SAMD8: variants seen among roughly 807,000 people sequenced by gnomAD.
The protein encoded by SAMD8 is sterile alpha motif domain containing 8, also known as sphingomyelin synthase-related protein 1.
SAMD8 carries 20 observed loss-of-function variants against 42.0 expected under a neutral mutation model. The observed-to-expected ratio is 0.48, with a 90% CI of 0.34 to 0.69. SAMD8 has a LOEUF of 0.69. SAMD8 is among the 30% of genes least tolerant of loss of function. The pLI is 0.01. For missense variants in SAMD8, 328 were observed against 511.6 expected (o/e 0.64, Z 3.46); for synonymous variants, 162 against 173.0 (o/e 0.94, Z 0.50).
upstream of SAMD8, among the ~76,000 whole-genome samples, chr10:75,108,488 G>C (rs1302457713): frequency 3.3e-5 from 5 of 152,146 alleles, no homozygotes; most frequent in Non-Finnish European, 7.4e-5. Flanking sequence ...GGAAGGGATT[G>C]CTTCAGCCCT....
At chr10:75,104,247 A>G in intron 1 of SAMD8, 1 of 432,598 alleles carries the variant, frequency 2.3e-6, no homozygotes, top group Admixed American at 3.5e-5. Context: ...CTGCTGGGAG[A>G]GATGAGGAGG....
chr10:75,103,264 C>T (rs1436435459), intron 1 of SAMD8, among the ~76,000 whole-genome samples: 3 of 152,232 alleles, frequency 2.0e-5, no homozygotes, highest in African/African-American at 7.2e-5. Context: ...CCGGGGCCCT[C>T]AGTTAGGGGC....
intron 1 of SAMD8, among the ~76,000 whole-genome samples, chr10:75,135,942 A>G (rs191852517): frequency 2.0e-5 from 3 of 152,066 alleles, no homozygotes; most frequent in Admixed American, 2.0e-4. Flanking sequence ...AGAACCTACC[A>G]TGTGCTAATC....
intron 1 of SAMD8, chr10:75,105,709 C>A (rs1200720534): frequency 2.6e-6 from 4 of 1,552,646 alleles, no homozygotes; most frequent in Non-Finnish European, 3.5e-6. Flanking sequence ...GTCCAGCCTG[C>A]AGAGCTGGTG....
intron 1 of SAMD8, among the ~76,000 whole-genome samples, chr10:75,143,557 G>GA (rs1840068222): frequency 6.8e-6 from 1 of 147,850 alleles, no homozygotes; most frequent in Non-Finnish European, 1.5e-5. Flanking sequence ...TTAGGTTGTT[G>GA]TTTTTTTTTT....
At chr10:75,137,341 A>C (rs1229310523) in intron 1 of SAMD8, among the ~76,000 whole-genome samples, 1 of 152,124 alleles carries the variant, frequency 6.6e-6, no homozygotes, top group African/African-American at 2.4e-5. Context: ...GGAGTTCGAG[A>C]CCAGCCTGGC....
intron 1 of SAMD8, among the ~76,000 whole-genome samples, chr10:75,119,231 C>T (rs779506345): frequency 6.6e-5 from 10 of 151,798 alleles, no homozygotes; most frequent in African/African-American, 2.4e-4. Context: ...GATCTCAGCT[C>T]GCTGCAACCT....
At chr10:75,148,563 C>T (rs1840203458) in intron 1 of SAMD8, among the ~76,000 whole-genome samples, 1 of 152,016 alleles carries the variant, frequency 6.6e-6, no homozygotes, top group African/African-American at 2.4e-5. Flanking sequence ...CCTTGTTAGC[C>T]AGGATGGTCT....
chr10:75,134,626 C>G (rs556248307), intron 1 of SAMD8, among the ~76,000 whole-genome samples: 33 of 151,688 alleles, frequency 2.2e-4, no homozygotes, highest in Admixed American at 6.6e-4. Context: ...CAGAGTGAGA[C>G]TTTCCCCCCC....
At chr10:75,103,924 G>A (rs1419842393) in intron 1 of SAMD8, 2 of 1,315,550 alleles carry the variant, frequency 1.5e-6, no homozygotes, top group South Asian at 1.2e-5. Flanking sequence ...GGCTGAGAGG[G>A]GGTGTAGGCG....
upstream of SAMD8, among the ~76,000 whole-genome samples, chr10:75,109,629 A>T (rs994851344): frequency 2.6e-5 from 4 of 152,212 alleles, no homozygotes; most frequent in South Asian, 8.3e-4. Flanking sequence ...AACTGAAAGA[A>T]GTGTACAGTC....
intron 1 of SAMD8, among the ~76,000 whole-genome samples, chr10:75,120,943 GCTA>G (rs1848992865): frequency 1.3e-5 from 2 of 151,808 alleles, no homozygotes; most frequent in African/African-American, 4.8e-5. Flanking sequence ...ACCACACCTG[GCTA>G]ATTTTTGTAT....
chr10:75,154,419 T>G (rs981579644), intron 2 of SAMD8, among the ~76,000 whole-genome samples: 1 of 152,302 alleles, frequency 6.6e-6, no homozygotes, highest in South Asian at 2.1e-4. Context: ...AAAATAGTAC[T>G]TTAGGCAAAG....
chr10:75,102,475 A>G (rs1848230795), intron 1 of SAMD8, among the ~76,000 whole-genome samples: 1 of 152,100 alleles, frequency 6.6e-6, no homozygotes, highest in Non-Finnish European at 1.5e-5. Context: ...AAAAGAAAAA[A>G]AGAGATAGTG....
intron 2 of SAMD8, among the ~76,000 whole-genome samples, chr10:75,159,416 T>C (rs1840506604): frequency 6.6e-6 from 1 of 152,184 alleles, no homozygotes; most frequent in South Asian, 2.1e-4. Flanking sequence ...CTAATTCTTT[T>C]TACTTACTAT....
At chr10:75,115,122 T>C (rs1459436964) in intron 1 of SAMD8, among the ~76,000 whole-genome samples, 1 of 152,246 alleles carries the variant, frequency 6.6e-6, no homozygotes, top group East Asian at 1.9e-4. Context: ...ACGTCTCATG[T>C]ATTTATATTT....
chr10:75,115,940 CAAAAA>C (rs35416435), intron 1 of SAMD8, among the ~76,000 whole-genome samples: 2 of 68,870 alleles, frequency 2.9e-5, no homozygotes, highest in Admixed American at 1.5e-4. Context: ...GACTCCGTCT[CAAAAA>C]AAAAAAAAAA....
chr10:75,152,458 C>T (rs1300674957), intron 2 of SAMD8, among the ~76,000 whole-genome samples: 1 of 145,348 alleles, frequency 6.9e-6, no homozygotes, highest in African/African-American at 2.5e-5. Flanking sequence ...GGAGGCGGAG[C>T]TTGCAGTGAG....
intron 2 of SAMD8, chr10:75,164,419 C>A: frequency 1.7e-6 from 1 of 596,068 alleles, no homozygotes; most frequent in African/African-American, 2.1e-5. Context: ...TATTTGCTGT[C>A]AGAGAACCCT....
Sources: allele counts gnomAD v4.1 joint callset (sites outside exome capture counted in the v4.1 genomes callset), GRCh38; gene constraint gnomAD v4.1.1; transcripts MANE v1.5; gene names NCBI Gene and HGNC (gene_info 2026-07-23, HGNC 2026-07-21).